Variants in PHACTR2 observed in about 807,000 individuals in gnomAD.
The protein encoded by PHACTR2 is phosphatase and actin regulator 2, also known as chromosome 6 open reading frame 56.
In PHACTR2, 30 loss-of-function variants were observed where a neutral mutation model predicts 76.0. The observed-to-expected ratio is 0.39, with a 90% CI of 0.30 to 0.54. PHACTR2 has a LOEUF of 0.54. Among genes scored for constraint, PHACTR2 ranks in the 20% least tolerant of loss-of-function variants. The pLI is 0.61. For missense variants in PHACTR2, 696 were observed against 781.1 expected (o/e 0.89, Z 1.30); for synonymous variants, 292 against 292.5 (o/e 1.00, Z 0.02).
rs1414138604 is a variant in PHACTR2, at chr6:143,662,717, A to G, written c.14-49299A>G. Among the ~76,000 whole-genome samples, 1 of 152,142 alleles carries G rather than the reference A, an allele frequency of 6.6e-6. No individual in the cohort carries two copies. Among genetic ancestry groups the G allele is most frequent in the African/African-American group, 2.4e-5 (1 of 41,428 alleles). Reference sequence around the variant, plus strand: ...CTTGAATTGTGAATTGTCTTCACCTATATTACAATTAGTTTTTTCTTTTTT... The same window carrying G: ...CTTGAATTGTGAATTGTCTTCACCTGTATTACAATTAGTTTTTTCTTTTTT... On this transcript the variant is annotated intron_variant, in intron 1 of 11. Transcript: ENST00000305766. The surrounding 1 kb of genome is among the most constrained non-coding windows in gnomAD (Gnocchi z 4.7).
chr6:143,751,521 CTCTT>C lies in PHACTR2; in HGVS notation c.296-2229_296-2226del, dbSNP rs890239527. 1.3e-5 allele frequency among the ~76,000 whole-genome samples: 2 copies of C among 152,106 alleles called. No individual in the cohort carries two copies. Among genetic ancestry groups the C allele is most frequent in the Non-Finnish European group, 2.9e-5 (2 of 68,038 alleles). On this transcript the variant is annotated intron_variant, in intron 3 of 12. Transcript: ENST00000440869. This position sits in a 1 kb window ranked among gnomAD's most constrained non-coding sequence, Gnocchi z 5.7. The stretch of plus-strand genomic sequence containing the variant: ...TTGCCTTTTGGTCATACATGATTTT[CTCTT>C]TCTATCTGTCCCTCCTTTAACTATG...
chr6:143,724,120 A>G (rs1021243627), intron 2 of PHACTR2, among the ~76,000 whole-genome samples: 2 of 150,804 alleles, frequency 1.3e-5, no homozygotes, highest in African/African-American at 4.9e-5. Context: ...GTGAGACCCC[A>G]CTTGGCTAAT....
At chr6:143,693,122 T>G (rs1777684564) in intron 1 of PHACTR2, among the ~76,000 whole-genome samples, 1 of 152,238 alleles carries the variant, frequency 6.6e-6, no homozygotes, top group South Asian at 2.1e-4. Context: ...TTTTACTTTT[T>G]TAAAGGACCT....
At position 143,743,554 on chromosome 6, in the gene PHACTR2, C is replaced by T. The variant is rs1420753318; in HGVS notation, c.215-5431C>T. 6.6e-6 allele frequency among the ~76,000 whole-genome samples: 1 copy of T among 152,186 alleles called. No homozygotes were observed. The highest frequency in any genetic ancestry group is 2.4e-5 in the African/African-American group (1 of 41,448). Reference sequence around the variant, plus strand: ...AATGTCCTGTTGGGTGGCATTGAAGCGGTTGTTTCTTTAAATGACTTAGCT... The same window carrying T: ...AATGTCCTGTTGGGTGGCATTGAAGTGGTTGTTTCTTTAAATGACTTAGCT... On this transcript the variant is annotated intron_variant, in intron 2 of 12. Coordinates refer to ENST00000440869, the MANE Select transcript of PHACTR2 (RefSeq NM_001100164.2). The surrounding 1 kb of genome is among the most constrained non-coding windows in gnomAD (Gnocchi z 5.0).
rs1349391091 is a variant in PHACTR2 at position 143,581,848 on chromosome 6, A to T, written c.217+44641A>T. Among the ~76,000 whole-genome samples the T allele has an allele frequency of 6.6e-6, 1 of 152,140 alleles. No homozygotes were observed. Among genetic ancestry groups the T allele is most frequent in the Non-Finnish European group, 1.5e-5 (1 of 68,020 alleles). ...ACCCTGTTCCCCTCCCCACCCCTCA[A>T]AAAGGAAAGAAAGTTATCCTGCCCT... On this transcript the variant is annotated intron_variant, in intron 1 of 11. Coordinates refer to the PHACTR2 transcript ENST00000367584. The surrounding 1 kb of genome is among the most constrained non-coding windows in gnomAD (Gnocchi z 4.5).
rs534632220 is a variant in PHACTR2 at position 143,550,171 on chromosome 6, A to C, written c.217+12964A>C. On this transcript the variant is annotated intron_variant, in intron 1 of 11. Coordinates refer to the PHACTR2 transcript ENST00000367584. This position sits in a 1 kb window ranked among gnomAD's most constrained non-coding sequence, Gnocchi z 4.8. The stretch of plus-strand genomic sequence containing the variant: ...GTAGCATTTCTCATATCTAATGTAG[A>C]CTTTCTCATACACATTCTAACATAG... 2.6e-5 allele frequency among the ~76,000 whole-genome samples: 4 copies of C among 152,152 alleles called. No homozygotes were observed. The East Asian group carries it at 7.7e-4, about 29-fold the overall frequency.
intron 1 of PHACTR2, among the ~76,000 whole-genome samples, chr6:143,666,122 G>A (rs530110419): frequency 8.0e-5 from 12 of 149,770 alleles, no homozygotes; most frequent in African/African-American, 2.0e-4. Context: ...GTGAGAACAT[G>A]TGGTGTTTGG....
intron 12 of PHACTR2, among the ~76,000 whole-genome samples, chr6:143,808,870 T>G (rs961584939): frequency 2.6e-5 from 4 of 152,208 alleles, no homozygotes; most frequent in Non-Finnish European, 5.9e-5. Flanking sequence ...TGTCCCCCTC[T>G]TTTCTCCCTT....
intron 1 of PHACTR2, among the ~76,000 whole-genome samples, chr6:143,681,178 G>A (rs920555176): frequency 6.6e-6 from 1 of 152,236 alleles, no homozygotes; most frequent in East Asian, 1.9e-4. Flanking sequence ...TTATGGTGTT[G>A]CCAAACAGTT....
In PHACTR2 at chr6:143,624,310, T is replaced by G. The variant is rs535394813; in HGVS notation, c.13+15988T>G. Among the ~76,000 whole-genome samples, 16 of 152,260 alleles carry G rather than the reference T, an allele frequency of 1.1e-4. No homozygotes were observed. In the East Asian group the frequency reaches 2.3e-3, roughly 22 times the overall value. ...TTAGGCGAGACAGGGTTTCCCCCTG[T>G]TGGCCAGGCTGGTCTCGAACTCCTG... On this transcript the variant is annotated intron_variant, in intron 1 of 11. Transcript: ENST00000305766. This position sits in a 1 kb window ranked among gnomAD's most constrained non-coding sequence, Gnocchi z 4.6.
chr6:143,756,950 G>T (rs892342530), intron 4 of PHACTR2, among the ~76,000 whole-genome samples: 1 of 152,022 alleles, frequency 6.6e-6, no homozygotes, highest in African/African-American at 2.4e-5. Context: ...GGAAGCTGAG[G>T]CAGGGAGAAT....
At chr6:143,726,531 T>A (rs2128464588) in intron 2 of PHACTR2, among the ~76,000 whole-genome samples, 1 of 152,342 alleles carries the variant, frequency 6.6e-6, no homozygotes, top group South Asian at 2.1e-4. Flanking sequence ...TATTTTTTTG[T>A]GACTAGTTTA....
rs1348395357 is a variant in PHACTR2 at position 143,623,300 on chromosome 6, G to C, written c.13+14978G>C. ...AATTGTCCCTTGCTCTTAATATATG[G>C]AGAGAGAAAAAAATGTCATCATAAT... is the stretch of plus-strand genomic sequence containing the variant. On this transcript the variant is annotated intron_variant, in intron 1 of 11. Transcript: ENST00000305766. The surrounding 1 kb of genome is among the most constrained non-coding windows in gnomAD (Gnocchi z 5.9). Among the ~76,000 whole-genome samples the C allele has an allele frequency of 6.6e-6, 1 of 152,016 alleles. No individual in the cohort carries two copies. The highest frequency in any genetic ancestry group is 1.9e-4 in the East Asian group (1 of 5,198).
rs949900156 is a variant in PHACTR2, at chr6:143,627,126, A to T, written c.13+18804A>T. On this transcript the variant is annotated intron_variant, in intron 1 of 11. Transcript: ENST00000305766. The surrounding 1 kb of genome is among the most constrained non-coding windows in gnomAD (Gnocchi z 4.3). Reference sequence around the variant, plus strand: ...ACTGGAAGTGCTTAGGTATCTATGAACCAAACAAGTTAGAAGGTCCAGGAG... The same window carrying T: ...ACTGGAAGTGCTTAGGTATCTATGATCCAAACAAGTTAGAAGGTCCAGGAG... Among the ~76,000 whole-genome samples the T allele has an allele frequency of 3.3e-5, 5 of 152,182 alleles. No individual in the cohort carries two copies.
At chr6:143,720,734 C>T (rs1032250632) in intron 2 of PHACTR2, among the ~76,000 whole-genome samples, 5 of 152,052 alleles carry the variant, frequency 3.3e-5, no homozygotes, top group African/African-American at 9.7e-5. Flanking sequence ...ACCTCAAGTC[C>T]CCTGAGTCAT....
chr6:143,740,508 T>TGTAAAAAAA (rs112665368), intron 2 of PHACTR2, among the ~76,000 whole-genome samples: 9,349 of 128,190 alleles, frequency 0.073, 463 homozygotes, highest in South Asian at 0.091. Context: ...TCCTTTTAAT[T>TGTAAAAAAA]AAAAAAAAAA....
In PHACTR2 at chr6:143,671,933, A is replaced by G. The variant is rs7772565; in HGVS notation, c.14-40083A>G. ...AATACAGATACACAGAGCAACATGG[A>G]TGAATATCAAAAACATATGAAACAA... On this transcript the variant is annotated intron_variant, in intron 1 of 11. Coordinates refer to the PHACTR2 transcript ENST00000305766. This position sits in a 1 kb window ranked among gnomAD's most constrained non-coding sequence, Gnocchi z 4.6. Among the ~76,000 whole-genome samples the G allele has an allele frequency of 6.6e-6, 1 of 151,954 alleles. No individual in the cohort carries two copies.
intron 10 of PHACTR2, among the ~76,000 whole-genome samples, chr6:143,786,159 A>G (rs1379076558): frequency 6.6e-6 from 1 of 152,200 alleles, no homozygotes; most frequent in Non-Finnish European, 1.5e-5. Flanking sequence ...ACAGCACCCA[A>G]GTCACCTTTT....
chr6:143,805,034 C>G (rs1224976739), intron 11 of PHACTR2, among the ~76,000 whole-genome samples: 2 of 152,178 alleles, frequency 1.3e-5, no homozygotes, highest in African/African-American at 4.8e-5. Context: ...CACTAAGGGT[C>G]ACACTGCTAA....
Sources: gnomAD v4.1 joint callset for allele counts (sites outside exome capture counted in the v4.1 genomes callset) on GRCh38, gnomAD v4.1.1 for gene constraint, Gnocchi (gnomAD v3.1) non-coding constraint, MANE v1.5 for transcripts, NCBI Gene and HGNC (gene_info 2026-07-23, HGNC 2026-07-21) for gene names.